Variants in PDE4B observed in about 807,000 individuals in gnomAD.
PDE4B encodes 3',5'-cyclic-AMP phosphodiesterase 4B.
In PDE4B, 20 loss-of-function variants were observed where a neutral mutation model predicts 82.2. That is an observed-to-expected ratio of 0.24 (90% CI 0.17 to 0.35). PDE4B has a LOEUF of 0.35. Among genes scored for constraint, PDE4B ranks in the 10% least tolerant of loss-of-function variants. The probability of loss-of-function intolerance (pLI) is 1.00; values close to 1 mark genes in which losing one functional copy is unlikely to be tolerated. For synonymous variants in PDE4B, 320 were observed against 318.9 expected (o/e 1.00, Z -0.04); for missense variants, 655 against 907.2 (o/e 0.72, Z 3.57).
At chr1:66,224,254 T>A (rs1651244496) in intron 3 of PDE4B, among the ~76,000 whole-genome samples, 1 of 152,144 alleles carries the variant, frequency 6.6e-6, no homozygotes, top group Non-Finnish European at 1.5e-5. Context: ...CTCACACACA[T>A]TCTCCACTTC....
At chr1:65,805,433 T>C (rs1570953393) in intron 1 of PDE4B, among the ~76,000 whole-genome samples, 1 of 152,214 alleles carries the variant, frequency 6.6e-6, no homozygotes, top group African/African-American at 2.4e-5. Flanking sequence ...CCAAACCTAA[T>C]TGAAAGAGAG....
chr1:65,842,614 A>G (rs1200384990), intron 1 of PDE4B, among the ~76,000 whole-genome samples: 5 of 152,148 alleles, frequency 3.3e-5, no homozygotes, highest in African/African-American at 1.2e-4. Flanking sequence ...TGTTATTCCA[A>G]GCTTAAGATG....
rs929972313 is a variant in PDE4B at position 66,170,970 on chromosome 1, A to G, written c.282-76490A>G. On this transcript the variant is annotated intron_variant, in intron 3 of 16. Transcript: ENST00000341517. Reference sequence around the variant, plus strand: ...AAACTTTGAACTGCTCTGAATGTCAAGGCTTTTTGGAGAGCAGAAATCGTG... The same window carrying G: ...AAACTTTGAACTGCTCTGAATGTCAGGGCTTTTTGGAGAGCAGAAATCGTG... 2.6e-5 allele frequency among the ~76,000 whole-genome samples: 4 copies of G among 152,166 alleles called. No individual in the cohort carries two copies. The East Asian group carries it at 7.7e-4, about 29-fold the overall frequency.
intron 1 of PDE4B, among the ~76,000 whole-genome samples, chr1:65,831,796 TGTAA>T (rs1646084818): frequency 6.6e-6 from 1 of 152,156 alleles, no homozygotes; most frequent in Non-Finnish European, 1.5e-5. Context: ...TTCAGCAATA[TGTAA>T]GTGTGAGACT....
At chr1:65,929,933 A>G (rs775679863) in intron 3 of PDE4B, among the ~76,000 whole-genome samples, 9 of 152,138 alleles carry the variant, frequency 5.9e-5, no homozygotes, top group Non-Finnish European at 1.2e-4. Flanking sequence ...TAATGAAAGA[A>G]CTCCATTCTT....
In PDE4B at chr1:66,231,011, G is replaced by C. The variant is rs372426648; in HGVS notation, c.282-16449G>C. ...ATTGCACCACTGCACTCCAGCCTGGGTGACAGAGCGAGAATCTGTCTAAAA... is the reference window on the plus strand; with the variant it reads ...ATTGCACCACTGCACTCCAGCCTGGCTGACAGAGCGAGAATCTGTCTAAAA... On this transcript the variant is annotated intron_variant, in intron 3 of 16. Transcript: ENST00000341517. Among the ~76,000 whole-genome samples, 7 of 150,168 alleles carry C rather than the reference G, an allele frequency of 4.7e-5. No individual in the cohort carries two copies. In the East Asian group the frequency reaches 9.7e-4, roughly 21 times the overall value.
chr1:66,097,590 C>T (rs746525245), intron 3 of PDE4B, among the ~76,000 whole-genome samples: 16 of 151,836 alleles, frequency 1.1e-4, no homozygotes, highest in Non-Finnish European at 1.8e-4. Flanking sequence ...TGTAATTTTT[C>T]ATTGCAGATT....
intron 1 of PDE4B, among the ~76,000 whole-genome samples, chr1:65,816,800 A>G (rs562766642): frequency 6.6e-6 from 1 of 152,326 alleles, no homozygotes; most frequent in South Asian, 2.1e-4. Flanking sequence ...TGTGTGTTTT[A>G]ATTCGAATTT....
At chr1:66,258,178 C>A (rs1256269367) in intron 6 of PDE4B, among the ~76,000 whole-genome samples, 2 of 152,094 alleles carry the variant, frequency 1.3e-5, no homozygotes, top group African/African-American at 2.4e-5. Context: ...CCAGTAACTG[C>A]CATAAATTCT....
chr1:65,962,177 G>T (rs1362212730), intron 3 of PDE4B, among the ~76,000 whole-genome samples: 1 of 152,116 alleles, frequency 6.6e-6, no homozygotes, highest in African/African-American at 2.4e-5. Flanking sequence ...TCATGTAATT[G>T]ATTGAATACT....
At chr1:66,249,859 A>G (rs1374763613) in intron 4 of PDE4B, among the ~76,000 whole-genome samples, 2 of 152,262 alleles carry the variant, frequency 1.3e-5, no homozygotes, top group East Asian at 3.8e-4. Context: ...AAGGTTGGCA[A>G]CATAATACCA....
rs1256267499 is a variant in PDE4B, at chr1:65,845,974, T to TG, written c.-71+52727dup. 6.6e-5 allele frequency among the ~76,000 whole-genome samples: 10 copies of TG among 152,330 alleles called. 1 individual carries two copies. The highest frequency in any genetic ancestry group is 6.5e-4 in the Admixed American group (10 of 15,294). ...ACTGTATCTTAGTATCTTTAAGCTG[T>TG]GCCTGGCTGGCCGCCTCCTCCGTGG... On this transcript the variant is annotated intron_variant, in intron 1 of 16. Coordinates refer to ENST00000341517, the MANE Select transcript of PDE4B (RefSeq NM_002600.4).
intron 3 of PDE4B, among the ~76,000 whole-genome samples, chr1:65,927,834 T>TG (rs1647593946): frequency 6.6e-6 from 1 of 152,130 alleles, no homozygotes; most frequent in African/African-American, 2.4e-5. Flanking sequence ...GGAGCCAATG[T>TG]GGGGGTTCTG....
At chr1:65,827,463 A>T (rs1176714021) in intron 1 of PDE4B, among the ~76,000 whole-genome samples, 2 of 152,154 alleles carry the variant, frequency 1.3e-5, no homozygotes, top group Non-Finnish European at 2.9e-5. Flanking sequence ...GCAAAGGAAA[A>T]TGCTATTAAA....
intron 3 of PDE4B, among the ~76,000 whole-genome samples, chr1:66,120,368 T>A: frequency 6.6e-6 from 1 of 152,150 alleles, no homozygotes; most frequent in East Asian, 1.9e-4. Flanking sequence ...GGGAATTTAA[T>A]TGAAGTACAT....
chr1:66,025,778 C>T (rs1240621655), intron 3 of PDE4B, among the ~76,000 whole-genome samples: 2 of 152,144 alleles, frequency 1.3e-5, no homozygotes, highest in African/African-American at 4.8e-5. Flanking sequence ...CAATATCCAG[C>T]AAGCAAATTA....
chr1:66,276,958 G>A lies in PDE4B; in HGVS notation c.634+10871G>A, dbSNP rs540955881. ...TTTAGAACACGCCTGGCACCCAGTA[G>A]TATTTAGTGTTTAACTATTATGATC... On this transcript the variant is annotated intron_variant, in intron 7 of 16. Coordinates refer to ENST00000341517, the MANE Select transcript of PDE4B (RefSeq NM_002600.4). Among the ~76,000 whole-genome samples the A allele has an allele frequency of 7.2e-5, 11 of 152,238 alleles. 1 individual carries two copies. In the South Asian group the frequency reaches 8.3e-4, roughly 11 times the overall value.
intron 1 of PDE4B, among the ~76,000 whole-genome samples, chr1:65,899,895 G>C (rs2100417465): frequency 6.6e-6 from 1 of 151,940 alleles, no homozygotes; most frequent in Admixed American, 6.6e-5. Context: ...GGTGGGAAGG[G>C]GGTGAGGGAT....
intron 7 of PDE4B, among the ~76,000 whole-genome samples, chr1:66,269,520 GA>G (rs1655307284): frequency 6.6e-6 from 1 of 152,108 alleles, no homozygotes; most frequent in Non-Finnish European, 1.5e-5. Context: ...GGAAAAAATA[GA>G]AAAAGAAAGA....
Sources: gnomAD v4.1 joint callset for allele counts (sites outside exome capture counted in the v4.1 genomes callset) on GRCh38, gnomAD v4.1.1 for gene constraint, MANE v1.5 for transcripts, NCBI Gene and HGNC (gene_info 2026-07-23, HGNC 2026-07-21) for gene names.